Variants in NTNG1 observed in about 807,000 individuals in gnomAD.
NTNG1 encodes netrin-G1.
NTNG1 carries 16 observed loss-of-function variants against 54.0 expected under a neutral mutation model. That is an observed-to-expected ratio of 0.30 (90% CI 0.20 to 0.45). The LOEUF is 0.45. Among genes scored for constraint, NTNG1 ranks in the 20% least tolerant of loss-of-function variants. NTNG1 has a pLI of 1.00. For synonymous variants in NTNG1, 255 were observed against 263.1 expected (o/e 0.97, Z 0.30); for missense variants, 530 against 678.7 (o/e 0.78, Z 2.43).
At chr1:107,273,697 T>C (rs1664296078) in intron 2 of NTNG1, among the ~76,000 whole-genome samples, 1 of 152,198 alleles carries the variant, frequency 6.6e-6, no homozygotes, top group Non-Finnish European at 1.5e-5. Flanking sequence ...TGTACTTCCT[T>C]ATAATGATGT....
At chr1:107,398,129 C>T (rs184878029) in intron 4 of NTNG1, among the ~76,000 whole-genome samples, 2 of 152,256 alleles carry the variant, frequency 1.3e-5, no homozygotes, top group East Asian at 3.9e-4. Flanking sequence ...AAATGCCACT[C>T]ATCCTGGATA....
At chr1:107,152,017 CAT>C (rs1198452902) in intron 2 of NTNG1, among the ~76,000 whole-genome samples, 2 of 151,220 alleles carry the variant, frequency 1.3e-5, no homozygotes, top group African/African-American at 2.4e-5. Flanking sequence ...TATACACACA[CAT>C]ACATATATAT....
At chr1:107,187,002 C>G (rs1657507573) in intron 2 of NTNG1, among the ~76,000 whole-genome samples, 1 of 152,066 alleles carries the variant, frequency 6.6e-6, no homozygotes, top group Admixed American at 6.5e-5. Context: ...ATGCAGTATA[C>G]TGTGTATGAT....
chr1:107,483,109 G>A lies in NTNG1; in HGVS notation c.*2269G>A, dbSNP rs1214149172. 6.6e-6 allele frequency: 1 copy of A among 152,180 alleles called. No individual in the cohort carries two copies. The highest frequency in any genetic ancestry group is 1.5e-5 in the Non-Finnish European group (1 of 68,040). The allele number at this position is 152,180 out of a possible 1,614,324, so 9.4% of individuals were successfully genotyped here. On this transcript the variant is annotated 3_prime_UTR_variant, in exon 8 of 8. Coordinates refer to ENST00000370068, the MANE Select transcript of NTNG1 (RefSeq NM_001113226.3). ...GGAGTTTGAGATTATTTATAATGAG[G>A]TGGATTTCTGATATTAAAATTAGAG... is the stretch of plus-strand genomic sequence containing the variant.
intron 7 of NTNG1, among the ~76,000 whole-genome samples, chr1:107,462,021 G>C (rs1558017474): frequency 1.3e-5 from 2 of 152,174 alleles, no homozygotes; most frequent in South Asian, 4.1e-4. Flanking sequence ...TAGTGGCTTG[G>C]ACCATTAGGA....
At chr1:107,367,061 T>C (rs530380025) in intron 3 of NTNG1, among the ~76,000 whole-genome samples, 7 of 126,288 alleles carry the variant, frequency 5.5e-5, no homozygotes, top group African/African-American at 2.4e-4. Context: ...GTCTTTTATC[T>C]GTTCGTGTGT....
rs570935194 is a variant in NTNG1, at chr1:107,464,266, C to T, written c.1391-16345C>T. On this transcript the variant is annotated intron_variant, in intron 7 of 7. Transcript: ENST00000370068. ...TGGCCTTTAGACTACAGTATTTAAA[C>T]TTTATAGGTAGATTTGACAAGCCTA... 2.0e-5 allele frequency among the ~76,000 whole-genome samples: 3 copies of T among 152,286 alleles called. No individual in the cohort carries two copies. The East Asian group carries it at 5.8e-4, about 29-fold the overall frequency.
chr1:107,198,561 G>T (rs930261265), intron 2 of NTNG1, among the ~76,000 whole-genome samples: 2 of 152,024 alleles, frequency 1.3e-5, no homozygotes, highest in South Asian at 2.1e-4. Flanking sequence ...CAGTACTTGT[G>T]TGTCTGCTTC....
chr1:107,436,733 A>T lies in NTNG1; in HGVS notation c.1324A>T (p.Thr442Ser). The change falls in exon 7 of 8, where the codon ACT (threonine) becomes TCT (serine). Residue 442 changes from threonine to serine, a missense_variant. Coordinates refer to ENST00000370068, the MANE Select transcript of NTNG1 (RefSeq NM_001113226.3). ...TGGCTCAGGATTTTGTGAGTGTAAG[A>T]CTGGAACAACAGGGCCTAAGTGTGA... is the stretch of plus-strand genomic sequence containing the variant. ...CNGSGFCECK[T>S]GTTGPKCDEC... 1 of 1,613,414 alleles carries T rather than the reference A, an allele frequency of 6.2e-7. No homozygotes were observed. Among genetic ancestry groups the T allele is most frequent in the South Asian group, 1.1e-5 (1 of 91,048 alleles).
chr1:107,370,436 G>T (rs1670851146), intron 3 of NTNG1, among the ~76,000 whole-genome samples: 1 of 151,586 alleles, frequency 6.6e-6, no homozygotes, highest in Non-Finnish European at 1.5e-5. Flanking sequence ...TGATTTGTGA[G>T]ATTTTGGTGC....
intron 2 of NTNG1, among the ~76,000 whole-genome samples, chr1:107,270,776 C>T (rs1456590662): frequency 7.4e-6 from 1 of 134,996 alleles, no homozygotes; most frequent in Non-Finnish European, 1.5e-5. Context: ...CATGGTCTGA[C>T]ATATTTCTTT....
At chr1:107,450,999 A>G (rs1424189032) in intron 7 of NTNG1, among the ~76,000 whole-genome samples, 5 of 152,058 alleles carry the variant, frequency 3.3e-5, no homozygotes, top group Non-Finnish European at 5.9e-5. Context: ...GACCTACTGG[A>G]TACTTAACTA....
intron 2 of NTNG1, among the ~76,000 whole-genome samples, chr1:107,207,590 T>A (rs1304893266): frequency 6.6e-6 from 1 of 152,180 alleles, no homozygotes; most frequent in Non-Finnish European, 1.5e-5. Flanking sequence ...AGAAACTACA[T>A]TATGTTTAGT....
intron 5 of NTNG1, among the ~76,000 whole-genome samples, chr1:107,412,960 G>A (rs671848): frequency 0.017 from 2,604 of 152,128 alleles, 78 homozygotes; most frequent in African/African-American, 0.056. Context: ...CCATCTCAAG[G>A]ATAACTCTGC....
intron 2 of NTNG1, among the ~76,000 whole-genome samples, chr1:107,303,535 C>T (rs1414499141): frequency 6.6e-6 from 1 of 152,096 alleles, no homozygotes; most frequent in Non-Finnish European, 1.5e-5. Flanking sequence ...ATAGATTTAT[C>T]TTTTCCTTTT....
At position 107,436,842 on chromosome 1, in the gene NTNG1, C is replaced by T. The variant is rs148307196; in HGVS notation, c.1390+43C>T. ...CTGCCCTCTGCCTGCTGCAGCATGG[C>T]TGATTTCTGCTTGGCTAGGCCGGTG... is the stretch of plus-strand genomic sequence containing the variant. On this transcript the variant is annotated intron_variant, in intron 7 of 7. Transcript: ENST00000370068. The T allele has an allele frequency of 5.1e-4, 806 of 1,594,638 alleles. 5 individuals are homozygous for T. The African/African-American group carries it at 9.9e-3, about 20-fold the overall frequency.
At position 107,482,903 on chromosome 1, in the gene NTNG1, G is replaced by A. The variant is rs185182759; in HGVS notation, c.*2063G>A. ...CACCCCACGTCTAAGTCTATTGAAT[G>A]TTTGTTATTCAAACCAACAGTCTCT... is the stretch of plus-strand genomic sequence containing the variant. On this transcript the variant is annotated 3_prime_UTR_variant, in exon 8 of 8. Transcript: ENST00000370068. The A allele has an allele frequency of 6.6e-6, 1 of 152,204 alleles. No individual in the cohort carries two copies. The highest frequency in any genetic ancestry group is 6.5e-5 in the Admixed American group (1 of 15,290). 9.4% of individuals were successfully genotyped at this position (152,204 alleles called of 1,614,324 possible). A position where few individuals can be genotyped will look rare whatever the true frequency, so the allele number is the denominator to read the frequency against.
Position 107,354,600 on chromosome 1 carries a change from T to C in NTNG1, c.887+29678T>C, listed in dbSNP as rs544791299. 2.0e-5 allele frequency among the ~76,000 whole-genome samples: 3 copies of C among 151,942 alleles called. No homozygotes were observed. The East Asian group carries it at 5.9e-4, about 30-fold the overall frequency. ...TGCATCCATGGGTAAAACCCTATGC[T>C]CAGCTACATGGGGATCATCAAAATG... On this transcript the variant is annotated intron_variant, in intron 3 of 7. Coordinates refer to ENST00000370068, the MANE Select transcript of NTNG1 (RefSeq NM_001113226.3).
At chr1:107,209,774 T>C (rs1659477581) in intron 2 of NTNG1, among the ~76,000 whole-genome samples, 1 of 152,154 alleles carries the variant, frequency 6.6e-6, no homozygotes, top group Non-Finnish European at 1.5e-5. Context: ...TAAGTTATTA[T>C]ATTGTGGGAG....
Sources: allele counts gnomAD v4.1 joint callset (sites outside exome capture counted in the v4.1 genomes callset), GRCh38; gene constraint gnomAD v4.1.1; transcripts MANE v1.5; gene names NCBI Gene and HGNC (gene_info 2026-07-23, HGNC 2026-07-21).